The following VLDLR variants were observed in gnomAD, a reference collection of about 807,000 sequenced individuals.
The protein encoded by VLDLR is very low-density lipoprotein receptor.
Under a neutral mutation model 112.7 loss-of-function variants are expected in VLDLR, and 81 were observed. The observed-to-expected ratio is 0.72, with a 90% CI of 0.60 to 0.86. The LOEUF is 0.86. Ranked by LOEUF, VLDLR falls within the 40% of genes least tolerant of loss-of-function variation. The probability of loss-of-function intolerance (pLI) is 0.00; values close to 1 mark genes in which losing one functional copy is unlikely to be tolerated. For synonymous variants in VLDLR, 436 were observed against 384.8 expected (o/e 1.13, Z -1.56); for missense variants, 1,237 against 1,099.4 (o/e 1.13, Z -1.77).
At chr9:2,626,220 G>C (rs1817080617) in intron 1 of VLDLR, among the ~76,000 whole-genome samples, 1 of 152,204 alleles carries the variant, frequency 6.6e-6, no homozygotes, top group African/African-American at 2.4e-5. Context: ...TTGGGGATGG[G>C]ACCCAAGTCT....
In VLDLR at chr9:2,646,144, C is replaced by T. The variant is rs117120017; in HGVS notation, c.1485-190C>T. ...TTGTATATAGAATACATACCAGCAACTAGATAATCTACAGCATTATTAATT... is the reference window on the plus strand; with the variant it reads ...TTGTATATAGAATACATACCAGCAATTAGATAATCTACAGCATTATTAATT... On this transcript the variant is annotated intron_variant, in intron 10 of 18. Coordinates refer to ENST00000382100, the MANE Select transcript of VLDLR (RefSeq NM_003383.5). Among the ~76,000 whole-genome samples, 72 of 151,832 alleles carry T rather than the reference C, an allele frequency of 4.7e-4. 1 individual carries two copies. In the East Asian group the frequency reaches 0.013, roughly 27 times the overall value.
chr9:2,623,666 GT>G (rs1356852775), intron 1 of VLDLR, among the ~76,000 whole-genome samples: 8 of 152,214 alleles, frequency 5.3e-5, no homozygotes, highest in Non-Finnish European at 1.0e-4. Context: ...TCACGTTTAG[GT>G]TGGTCACATG....
intron 1 of VLDLR, 52 bp from the exon 2 acceptor site, chr9:2,635,401 C>G (rs1586642320): frequency 6.2e-7 from 1 of 1,612,504 alleles, no homozygotes; most frequent in Non-Finnish European, 8.5e-7. Context: ...TATTAGGTAT[C>G]TTGAATCTAT....
At chr9:2,632,807 G>T (rs1377182245) in intron 1 of VLDLR, among the ~76,000 whole-genome samples, 2 of 152,058 alleles carry the variant, frequency 1.3e-5, no homozygotes, top group Middle Eastern at 3.2e-3. Flanking sequence ...ACAGAACTAG[G>T]GAGCACTTTC....
intron 16 of VLDLR, 121 bp downstream of exon 16, chr9:2,651,619 T>C: frequency 1.0e-6 from 1 of 997,698 alleles, no homozygotes; most frequent in Non-Finnish European, 1.5e-6. Flanking sequence ...TAACCTATAT[T>C]TAAACACCAA....
intron 1 of VLDLR, among the ~76,000 whole-genome samples, chr9:2,626,204 G>A (rs1050655171): frequency 3.3e-5 from 5 of 152,156 alleles, no homozygotes; most frequent in Non-Finnish European, 7.3e-5. Flanking sequence ...TACATAATAA[G>A]GTATCTTGGG....
chr9:2,651,799 G>C (rs1818356287), intron 16 of VLDLR, 75 bp from the exon 17 acceptor site: 6 of 1,537,278 alleles, frequency 3.9e-6, no homozygotes, highest in Non-Finnish European at 5.4e-6. Flanking sequence ...AAAGGTTTTG[G>C]CTCCTTACCT....
chr9:2,623,130 T>C (rs1816911804), intron 1 of VLDLR, among the ~76,000 whole-genome samples: 2 of 152,164 alleles, frequency 1.3e-5, no homozygotes, highest in Non-Finnish European at 2.9e-5. Flanking sequence ...TTCTACACAA[T>C]AGCTCAAAGG....
intron 2 of VLDLR, 143 bp from the exon 3 acceptor site, chr9:2,639,716 C>T: frequency 8.3e-7 from 1 of 1,198,096 alleles, no homozygotes; most frequent in Non-Finnish European, 1.2e-6. Context: ...TCTGAAGTTT[C>T]CCCTGGATAT....
In VLDLR at chr9:2,622,074, T is replaced by C. The variant is rs1816809973; in HGVS notation, c.-116T>C. 2.2e-6 allele frequency: 2 copies of C among 918,322 alleles called. No individual in the cohort carries two copies. Among genetic ancestry groups the C allele is most frequent in the Non-Finnish European group, 1.5e-6 (1 of 649,842 alleles). 56.9% of individuals were successfully genotyped at this position (918,322 alleles called of 1,614,324 possible). The stretch of plus-strand genomic sequence containing the variant: ...CCCCGCCAACTCCTTCCCCTCCTTC[T>C]CCCCCTTTCCCCTCCCCGCCCCCAC... On this transcript the variant is annotated 5_prime_UTR_variant, in exon 1 of 19. Coordinates refer to ENST00000382100, the MANE Select transcript of VLDLR (RefSeq NM_003383.5).
chr9:2,626,193 A>G (rs918294974), intron 1 of VLDLR, among the ~76,000 whole-genome samples: 11 of 152,270 alleles, frequency 7.2e-5, no homozygotes, highest in African/African-American at 2.2e-4. Flanking sequence ...ACATTCACAC[A>G]TACATAATAA....
At chr9:2,644,909 C>T (rs1232899782) in intron 8 of VLDLR, 48 bp from the exon 9 acceptor site, 1 of 1,614,064 alleles carries the variant, frequency 6.2e-7, no homozygotes. Flanking sequence ...ATAGTATGTA[C>T]CTAGTAAGGT....
rs1011024826 is a variant in VLDLR at position 2,650,291 on chromosome 9, T to G, written c.2105-79T>G. ...AAGCTCTTGGGGGCAAGGACTCAGGTCTTCAACATGTAGAACAAGGCTTTA... is the reference window on the plus strand; with the variant it reads ...AAGCTCTTGGGGGCAAGGACTCAGGGCTTCAACATGTAGAACAAGGCTTTA... On this transcript the variant is annotated intron_variant, in intron 14 of 18. Transcript: ENST00000382100. The G allele has an allele frequency of 8.8e-6, 14 of 1,586,832 alleles. No homozygotes were observed. The South Asian group carries it at 1.1e-4, about 13-fold the overall frequency.
In VLDLR at chr9:2,650,501, G is replaced by C. The variant is rs772578698; in HGVS notation, c.2236G>C (p.Gly746Arg). The C allele has an allele frequency of 1.6e-5, 26 of 1,613,710 alleles. No individual in the cohort carries two copies. The highest frequency in any genetic ancestry group is 2.2e-5 in the Non-Finnish European group (26 of 1,179,994). The change falls in exon 15 of 19, where the codon GGC (glycine) becomes CGC (arginine). Residue 746 changes from glycine to arginine, a missense_variant. Transcript: ENST00000382100. ...CAGTGGGTACAATGTAGAGGAAAAT[G>C]GCCGAGACTGTCAAAGTAAGGCATT... ...CPSGYNVEEN[G>R]RDCQSTATTV...
chr9:2,652,842 A>G lies in VLDLR; in HGVS notation c.2479A>G (p.Met827Val). The G allele has an allele frequency of 6.2e-7, 1 of 1,614,140 alleles. No homozygotes were observed. The highest frequency in any genetic ancestry group is 1.6e-4 in the Middle Eastern group (1 of 6,062). ...LMWRNWQHKN[M>V]KSMNFDNPVY... ...GTGGCGGAATTGGCAACACAAGAAC[A>G]TGAAAAGCATGAACTTTGACAATCC... Residue 827 changes from methionine to valine, a missense_variant, in exon 18 of 19, where the codon ATG becomes GTG. Met to Val is a conservative substitution (Grantham distance 21, BLOSUM62 1). Transcript: ENST00000382100.
intron 2 of VLDLR, among the ~76,000 whole-genome samples, chr9:2,636,469 T>C (rs1315393660): frequency 6.6e-6 from 1 of 152,220 alleles, no homozygotes; most frequent in Admixed American, 6.5e-5. Flanking sequence ...ACCTACTTCT[T>C]CATGCATCAT....
intron 1 of VLDLR, among the ~76,000 whole-genome samples, chr9:2,625,877 C>CTGATAGTTTTTCTGAAGAGTTGGGGCAT (rs1817068090): frequency 6.6e-6 from 1 of 152,198 alleles, no homozygotes; most frequent in Non-Finnish European, 1.5e-5. Context: ...AATCTGAGGA[C>CTGATAGTTTTTCTGAAGAGTTGGGGCAT]TGATAGTTTT....
At chr9:2,648,519 A>C (rs1818169765) in intron 13 of VLDLR, 150 bp from the exon 14 acceptor site, 1 of 1,517,776 alleles carries the variant, frequency 6.6e-7, no homozygotes, top group Non-Finnish European at 9.1e-7. Flanking sequence ...CTCCACACCT[A>C]AACTTGATTC....
intron 2 of VLDLR, among the ~76,000 whole-genome samples, chr9:2,637,186 T>C (rs1817629882): frequency 6.6e-6 from 1 of 152,232 alleles, no homozygotes; most frequent in South Asian, 2.1e-4. Flanking sequence ...GTGCTTACTT[T>C]GTTTCTCTAT....
Sources: gnomAD v4.1 joint callset for allele counts (sites outside exome capture counted in the v4.1 genomes callset) on GRCh38, gnomAD v4.1.1 for gene constraint, MANE v1.5 for transcripts, NCBI Gene and HGNC (gene_info 2026-07-23, HGNC 2026-07-21) for gene names.